Variants in CEP63 observed in about 807,000 individuals in gnomAD.
CEP63 encodes the protein centrosomal protein of 63 kDa.
A neutral mutation model predicts 89.1 loss-of-function variants in CEP63; 84 were observed. The ratio of observed to expected loss-of-function variants is 0.94; its 90% CI spans 0.79 to 1.13. The LOEUF (loss-of-function observed/expected upper bound fraction) is 1.13. CEP63 is among the 50% of genes most tolerant of loss of function. CEP63 has a pLI of 0.00. For missense variants in CEP63, 838 were observed against 813.3 expected (o/e 1.03, Z -0.37); for synonymous variants, 267 against 272.5 (o/e 0.98, Z 0.20).
At chr3:134,530,040 A>T (rs1000901242) in intron 3 of CEP63, among the ~76,000 whole-genome samples, 5 of 151,410 alleles carry the variant, frequency 3.3e-5, no homozygotes, top group African/African-American at 1.2e-4. Context: ...CACCTGGCTA[A>T]TTTTTTGTAT....
At chr3:134,540,510 T>C (rs533523056) in intron 6 of CEP63, among the ~76,000 whole-genome samples, 2 of 152,314 alleles carry the variant, frequency 1.3e-5, no homozygotes, top group South Asian at 4.1e-4. Context: ...CAATGATGGA[T>C]TGATAGACTT....
intron 10 of CEP63, among the ~76,000 whole-genome samples, chr3:134,585,449 A>C (rs1322806959): frequency 6.6e-6 from 1 of 152,084 alleles, no homozygotes; most frequent in Non-Finnish European, 1.5e-5. Flanking sequence ...TCATTTACCC[A>C]CTAGTCATTC....
intron 1 of CEP63, among the ~76,000 whole-genome samples, chr3:134,487,035 T>G (rs1459177231): frequency 6.6e-6 from 1 of 152,198 alleles, no homozygotes; most frequent in African/African-American, 2.4e-5. Flanking sequence ...TACGCTGATA[T>G]GCACAGAGTA....
chr3:134,566,393 A>C (rs545589776), downstream of CEP63, among the ~76,000 whole-genome samples: 6 of 152,306 alleles, frequency 3.9e-5, no homozygotes, highest in East Asian at 1.2e-3. Flanking sequence ...GAGAAGGTTC[A>C]TAATTTTCAT....
the CEP63 span, among the ~76,000 whole-genome samples, chr3:134,602,612 G>A: frequency 1.3e-5 from 2 of 152,180 alleles, no homozygotes; most frequent in Non-Finnish European, 2.9e-5. Context: ...CTGCGCCCAG[G>A]TCCTTATTCA....
At chr3:134,560,277 G>T (rs562829637) in intron 14 of CEP63, among the ~76,000 whole-genome samples, 3 of 152,294 alleles carry the variant, frequency 2.0e-5, no homozygotes, top group African/African-American at 7.2e-5. Flanking sequence ...TGTTCCCTCA[G>T]ACTCCACTGG....
At chr3:134,514,790 G>T (rs1450702533) in intron 3 of CEP63, among the ~76,000 whole-genome samples, 1 of 152,190 alleles carries the variant, frequency 6.6e-6, no homozygotes, top group African/African-American at 2.4e-5. Context: ...ATGTTCTTTA[G>T]GTAGAAAGAC....
chr3:134,566,477 A>G (rs559746018), downstream of CEP63, among the ~76,000 whole-genome samples: 1 of 152,208 alleles, frequency 6.6e-6, no homozygotes, highest in Non-Finnish European at 1.5e-5. Flanking sequence ...TTGTCCCAGA[A>G]TGGTATCCCA....
the CEP63 span, among the ~76,000 whole-genome samples, chr3:134,726,862 C>T: frequency 2.0e-5 from 3 of 152,172 alleles, no homozygotes; most frequent in Admixed American, 6.5e-5. Flanking sequence ...AACTGCCGGC[C>T]GGAGCACGGG....
chr3:134,495,176 A>C (rs1939365656), intron 1 of CEP63, 120 bp from the exon 2 acceptor site: 2 of 752,634 alleles, frequency 2.7e-6, no homozygotes, highest in South Asian at 3.0e-5. Context: ...CAGTCATCTT[A>C]AGAAGTGCTG....
the CEP63 span, among the ~76,000 whole-genome samples, chr3:134,759,781 A>C: frequency 6.6e-6 from 1 of 152,246 alleles, no homozygotes; most frequent in East Asian, 1.9e-4. Context: ...TCTTAAAAGA[A>C]GAAGAAGAGT....
intron 3 of CEP63, among the ~76,000 whole-genome samples, chr3:134,513,419 T>C (rs1054399127): frequency 1.3e-5 from 2 of 152,216 alleles, no homozygotes; most frequent in Non-Finnish European, 2.9e-5. Flanking sequence ...TATTTGATAA[T>C]GGCAGATTAG....
the CEP63 span, among the ~76,000 whole-genome samples, chr3:134,595,516 C>T: frequency 6.6e-6 from 1 of 152,214 alleles, no homozygotes; most frequent in African/African-American, 2.4e-5. Flanking sequence ...ATACATGGCA[C>T]ACCTCACCCT....
At chr3:134,626,302 G>A in the CEP63 span, among the ~76,000 whole-genome samples, 4 of 152,216 alleles carry the variant, frequency 2.6e-5, no homozygotes, top group Non-Finnish European at 5.9e-5. Flanking sequence ...GGGAAGAGTA[G>A]GGCTATGTGA....
rs534487064 is a variant in CEP63 at position 134,545,822 on chromosome 3, A to G, written c.789+3A>G. The G allele has an allele frequency of 4.6e-5, 74 of 1,597,326 alleles. No homozygotes were observed. The highest frequency in any genetic ancestry group is 3.3e-4 in the Middle Eastern group (2 of 6,036). Reference sequence around the variant, plus strand: ...GGGAATCTGAAAAACTATTAGAGGTATGTTTTAAAATCACTATAATTGGGG... The same window carrying G: ...GGGAATCTGAAAAACTATTAGAGGTGTGTTTTAAAATCACTATAATTGGGG... On this transcript the variant is annotated splice_donor_region_variant and intron_variant, in intron 7 of 14. Transcript: ENST00000675561.
chr3:134,636,751 T>G, the CEP63 span, among the ~76,000 whole-genome samples: 1 of 152,242 alleles, frequency 6.6e-6, no homozygotes, highest in East Asian at 1.9e-4. Flanking sequence ...CAAAAATAGA[T>G]CACATATTCA....
At chr3:134,714,407 ATG>A in the CEP63 span, among the ~76,000 whole-genome samples, 1 of 152,208 alleles carries the variant, frequency 6.6e-6, no homozygotes, top group South Asian at 2.1e-4. Flanking sequence ...CAGCTTCAAC[ATG>A]TGCTAATTCA....
At chr3:134,509,566 C>T (rs969163208) in intron 3 of CEP63, among the ~76,000 whole-genome samples, 3 of 152,218 alleles carry the variant, frequency 2.0e-5, no homozygotes, top group African/African-American at 7.2e-5. Context: ...AGTTCTACCA[C>T]TCTTTCCAGT....
At chr3:134,641,569 C>T in the CEP63 span, among the ~76,000 whole-genome samples, 5 of 152,132 alleles carry the variant, frequency 3.3e-5, no homozygotes, top group East Asian at 1.9e-4. Context: ...AACGCTGGCC[C>T]GGCTGACACT....
Sources: allele counts gnomAD v4.1 joint callset (sites outside exome capture counted in the v4.1 genomes callset), GRCh38; gene constraint gnomAD v4.1.1; transcripts MANE v1.5; gene names NCBI Gene and HGNC (gene_info 2026-07-23, HGNC 2026-07-21).